Variants in MYO18A observed in about 807,000 individuals in gnomAD.
MYO18A encodes myosin XVIIIA.
A neutral mutation model predicts 235.8 loss-of-function variants in MYO18A; 78 were observed. That is an observed-to-expected ratio of 0.33 (90% CI 0.28 to 0.40). The LOEUF is 0.40. Among genes scored for constraint, MYO18A ranks in the 10% least tolerant of loss-of-function variants. The probability of loss-of-function intolerance (pLI) is 1.00; values close to 1 mark genes in which losing one functional copy is unlikely to be tolerated. For missense variants in MYO18A, 2,215 were observed against 2,699.3 expected (o/e 0.82, Z 3.98); for synonymous variants, 977 against 1,077.8 (o/e 0.91, Z 1.83).
rs532374900 is a variant in MYO18A, at chr17:29,165,865, C to G, written c.999+77G>C. 8.8e-6 allele frequency: 12 copies of G among 1,356,214 alleles called. No homozygotes were observed. In the South Asian group the frequency reaches 1.2e-4, roughly 14 times the overall value. 84.0% of individuals were successfully genotyped at this position (1,356,214 alleles called of 1,614,324 possible). A position where few individuals can be genotyped will look rare whatever the true frequency, so the allele number is the denominator to read the frequency against. ...AGGCTCTGATAACAGCTCTTGGGTA[C>G]CCCGATTACCCAGTCAAGCAGGAGG... On this transcript the variant is annotated intron_variant, in intron 2 of 41. Coordinates refer to ENST00000527372, the MANE Select transcript of MYO18A (RefSeq NM_078471.4).
intron 32 of MYO18A, 32 bp from the exon 33 acceptor site, chr17:29,093,033 C>T: frequency 2.5e-6 from 4 of 1,605,288 alleles, no homozygotes; most frequent in Non-Finnish European, 3.4e-6. Flanking sequence ...GGGTTCTGGG[C>T]TCTGCACAGG....
chr17:29,135,398 G>A (rs747198439), intron 2 of MYO18A, among the ~76,000 whole-genome samples: 3 of 152,084 alleles, frequency 2.0e-5, no homozygotes, highest in African/African-American at 4.8e-5. Flanking sequence ...CACCGCGCCC[G>A]GCCAAGAACT....
chr17:29,101,940 C>T (rs532602172), intron 21 of MYO18A, among the ~76,000 whole-genome samples: 2 of 150,382 alleles, frequency 1.3e-5, no homozygotes, highest in Non-Finnish European at 2.9e-5. Flanking sequence ...AGGCTCTGAG[C>T]CCCCCCAGAG....
chr17:29,130,055 G>A (rs1022882843), intron 2 of MYO18A, among the ~76,000 whole-genome samples: 1 of 152,116 alleles, frequency 6.6e-6, no homozygotes, highest in African/African-American at 2.4e-5. Context: ...CTAGCACTTT[G>A]CGAGGCCAAG....
intron 1 of MYO18A, among the ~76,000 whole-genome samples, chr17:29,179,560 C>G (rs945991529): frequency 2.6e-5 from 4 of 152,164 alleles, no homozygotes; most frequent in African/African-American, 7.2e-5. Context: ...GGCGGGGCGT[C>G]GGGGCGGTCT....
chr17:29,145,146 G>A (rs960508484), intron 2 of MYO18A, among the ~76,000 whole-genome samples: 7 of 152,170 alleles, frequency 4.6e-5, no homozygotes, highest in African/African-American at 1.7e-4. Context: ...GTTTAAGCCT[G>A]CTCTCCCTGG....
chr17:29,133,454 C>T (rs1163871769), intron 2 of MYO18A, among the ~76,000 whole-genome samples: 7 of 152,204 alleles, frequency 4.6e-5, no homozygotes, highest in Admixed American at 1.3e-4. Context: ...CCAGTTCCAG[C>T]GGTCCCTCCA....
chr17:29,169,301 C>T (rs373293095), intron 1 of MYO18A, among the ~76,000 whole-genome samples: 52 of 152,216 alleles, frequency 3.4e-4, no homozygotes, highest in African/African-American at 4.6e-4. Context: ...CCACCTGTCT[C>T]GGCCTCCCAA....
In MYO18A at chr17:29,121,557, T is replaced by C; in HGVS notation, c.1361A>G (p.Tyr454Cys). Residue 454 changes from tyrosine to cysteine, a missense_variant, in exon 5 of 42, where the codon TAC becomes TGC. By Grantham distance (194) the Tyr-to-Cys change is radical (BLOSUM62 -2). Coordinates refer to ENST00000527372, the MANE Select transcript of MYO18A (RefSeq NM_078471.4). This position sits in a 1 kb window ranked among gnomAD's most constrained non-coding sequence, Gnocchi z 4.2. ...VLGPRGAPAV[Y>C]SEKVMHMFKG... ...TTGAGGGTGCTGCACCTTCTCAGAG[T>C]ACACAGCAGGGGCCCCACGGGGGCC... The C allele has an allele frequency of 6.2e-7, 1 of 1,603,152 alleles. No individual in the cohort carries two copies. Among genetic ancestry groups the C allele is most frequent in the Non-Finnish European group, 8.5e-7 (1 of 1,175,650 alleles).
In MYO18A at chr17:29,115,720, T is replaced by C; in HGVS notation, c.2171A>G (p.Gln724Arg). The C allele has an allele frequency of 6.2e-7, 1 of 1,605,588 alleles. No homozygotes were observed. The highest frequency in any genetic ancestry group is 8.5e-7 in the Non-Finnish European group (1 of 1,176,416). Residue 724 changes from glutamine to arginine, a missense_variant, in exon 12 of 42, where the codon CAG (glutamine) becomes CGG (arginine). Transcript: ENST00000527372. ...GCCCTGGCGGAAGGAGGTGGAGCGC[T>C]GCAGGGTGCCACCCTTGTGCTGGTG... Reference protein sequence around the residue: ...FKHQHKGGTLQRSTSFRQGPE... With the variant: ...FKHQHKGGTLRRSTSFRQGPE...
Position 29,109,134 on chromosome 17 carries a change from T to A in MYO18A, c.3331+724A>T, listed in dbSNP as rs1387703200. Among the ~76,000 whole-genome samples the A allele has an allele frequency of 1.3e-5, 2 of 149,236 alleles. No homozygotes were observed. The highest frequency in any genetic ancestry group is 3.0e-5 in the Non-Finnish European group (2 of 67,630). Reference sequence around the variant, plus strand: ...AGAAAAACAGCAGAAACCCAGCAACTCATAACTTCTCAGGCAAAAAACAAA... The same window carrying A: ...AGAAAAACAGCAGAAACCCAGCAACACATAACTTCTCAGGCAAAAAACAAA... On this transcript the variant is annotated intron_variant, in intron 19 of 41. Coordinates refer to ENST00000527372, the MANE Select transcript of MYO18A (RefSeq NM_078471.4). This position sits in a 1 kb window ranked among gnomAD's most constrained non-coding sequence, Gnocchi z 4.1.
intron 20 of MYO18A, among the ~76,000 whole-genome samples, chr17:29,104,347 C>A (rs1040716138): frequency 6.6e-6 from 1 of 152,082 alleles, no homozygotes; most frequent in Admixed American, 6.5e-5. Context: ...GGAGACAGAG[C>A]CTTGCTGGAT....
At chr17:29,157,527 T>C (rs1478016518) in intron 2 of MYO18A, among the ~76,000 whole-genome samples, 2 of 152,264 alleles carry the variant, frequency 1.3e-5, no homozygotes, top group Non-Finnish European at 2.9e-5. Flanking sequence ...GCTGATGGCC[T>C]GAGTTCAAGT....
At chr17:29,150,664 T>A (rs554805266) in intron 2 of MYO18A, among the ~76,000 whole-genome samples, 5 of 152,380 alleles carry the variant, frequency 3.3e-5, no homozygotes, top group African/African-American at 1.2e-4. Flanking sequence ...CATGAGTGGC[T>A]ATTCAAATTG....
At position 29,119,448 on chromosome 17, in the gene MYO18A, A is replaced by G. The variant is rs2067146312; in HGVS notation, c.1729-13T>C. On this transcript the variant is annotated splice_polypyrimidine_tract_variant and intron_variant, in intron 7 of 41. Transcript: ENST00000527372. ...CCAGAAGCATTGTCTGTGACACAGC[A>G]TGGACGTGTGGGTAAGGAGGGTAGT... 1.4e-5 allele frequency: 22 copies of G among 1,601,242 alleles called. No homozygotes were observed. Among genetic ancestry groups the G allele is most frequent in the Non-Finnish European group, 1.8e-5 (21 of 1,173,754 alleles).
At position 29,166,637 on chromosome 17, in the gene MYO18A, A is replaced by T. The variant is rs749707268; in HGVS notation, c.304T>A (p.Ser102Thr). 3.7e-6 allele frequency: 6 copies of T among 1,613,652 alleles called. No homozygotes were observed. The African/African-American group carries it at 6.7e-5, about 18-fold the overall frequency. ...TCCTCACCCTTGAGGTCATCGCTGG[A>T]GCTGGCTGTACTTAGGTGGCCCGAG... ...LDSGHLSTASSSDDLKGEEGS... is the reference protein window; with the variant it reads ...LDSGHLSTASTSDDLKGEEGS... Residue 102 changes from serine to threonine, a missense_variant, in exon 2 of 42, where the codon TCC becomes ACC. By Grantham distance (58) the Ser-to-Thr change is moderately conservative. Transcript: ENST00000527372.
intron 37 of MYO18A, among the ~76,000 whole-genome samples, chr17:29,087,628 C>A (rs141263882): frequency 3.9e-5 from 6 of 152,272 alleles, no homozygotes; most frequent in African/African-American, 1.4e-4. Context: ...TAATGAATCT[C>A]CTGCCAGGCA....
chr17:29,102,314 G>A (rs1749653320), intron 21 of MYO18A, among the ~76,000 whole-genome samples: 1 of 152,230 alleles, frequency 6.6e-6, no homozygotes, highest in Non-Finnish European at 1.5e-5. Context: ...GTGGCAGCCA[G>A]CAGCAGCTCA....
At chr17:29,113,302 C>T (rs2066978896) in intron 15 of MYO18A, among the ~76,000 whole-genome samples, 1 of 152,170 alleles carries the variant, frequency 6.6e-6, no homozygotes, top group Admixed American at 6.5e-5. Context: ...GCAGGGAGGT[C>T]GGCAGCCTCG....
Sources: gnomAD v4.1 joint callset for allele counts (sites outside exome capture counted in the v4.1 genomes callset) on GRCh38, gnomAD v4.1.1 for gene constraint, Gnocchi (gnomAD v3.1) non-coding constraint, MANE v1.5 for transcripts, NCBI Gene and HGNC (gene_info 2026-07-23, HGNC 2026-07-21) for gene names.